Variants in CCDC171 observed in about 807,000 individuals in gnomAD.
CCDC171 encodes the protein coiled-coil domain containing 171.
In CCDC171, 177 loss-of-function variants were observed where a neutral mutation model predicts 168.2. The observed-to-expected ratio is 1.05, with a 90% CI of 0.93 to 1.19. CCDC171 has a LOEUF of 1.19. CCDC171 is among the 50% of genes most tolerant of loss of function. The pLI is 0.00. For missense variants in CCDC171, 1,991 were observed against 1,539.0 expected (o/e 1.29, Z -4.91); for synonymous variants, 687 against 540.8 (o/e 1.27, Z -3.75).
chr9:15,573,298 C>T (rs546529893), intron 3 of CCDC171, among the ~76,000 whole-genome samples: 62 of 151,886 alleles, frequency 4.1e-4, no homozygotes, highest in Admixed American at 5.9e-4. Flanking sequence ...TTTTTTGAGA[C>T]GAAGTCTCGC....
At chr9:15,902,688 G>C (rs1055432506) in intron 24 of CCDC171, among the ~76,000 whole-genome samples, 10 of 152,172 alleles carry the variant, frequency 6.6e-5, no homozygotes, top group Non-Finnish European at 2.9e-5. Flanking sequence ...AGTGGGTGCA[G>C]GACAGTGGGT....
At chr9:16,087,846 G>A in the CCDC171 span, among the ~76,000 whole-genome samples, 1 of 151,958 alleles carries the variant, frequency 6.6e-6, no homozygotes, top group Non-Finnish European at 1.5e-5. Flanking sequence ...AGTGTCAATG[G>A]TCATTATAGT....
At chr9:15,654,477 C>T (rs10810422) in intron 7 of CCDC171, among the ~76,000 whole-genome samples, 68,735 of 151,976 alleles carry the variant, frequency 0.45, 15,837 homozygotes, top group Non-Finnish European at 0.51. Flanking sequence ...AATGATTTGC[C>T]CAGAAAGAAG....
intron 3 of CCDC171, among the ~76,000 whole-genome samples, chr9:16,002,515 GTTA>G (rs772560903): frequency 6.6e-6 from 1 of 152,154 alleles, no homozygotes; most frequent in Non-Finnish European, 1.5e-5. Context: ...GTTTTATGCT[GTTA>G]TTATGAAAGA....
chr9:15,963,030 TACTTC>T (rs1228651618), intron 25 of CCDC171, among the ~76,000 whole-genome samples: 2 of 152,184 alleles, frequency 1.3e-5, no homozygotes, highest in Non-Finnish European at 2.9e-5. Context: ...ATGGTTGTCA[TACTTC>T]ACTTAAGTAG....
intron 21 of CCDC171, among the ~76,000 whole-genome samples, chr9:15,822,255 T>C (rs2059807866): frequency 6.6e-6 from 1 of 152,058 alleles, no homozygotes; most frequent in Non-Finnish European, 1.5e-5. Flanking sequence ...GGCAATACCA[T>C]TCAGGACATA....
intron 11 of CCDC171, among the ~76,000 whole-genome samples, chr9:15,721,183 G>A (rs1176732434): frequency 1.3e-5 from 2 of 152,198 alleles, no homozygotes; most frequent in Admixed American, 6.5e-5. Context: ...GTAGATAATA[G>A]CATTTTTATT....
intron 3 of CCDC171, among the ~76,000 whole-genome samples, chr9:15,981,938 A>G (rs977189984): frequency 1.3e-5 from 2 of 152,196 alleles, no homozygotes; most frequent in African/African-American, 4.8e-5. Context: ...TTTTTCATGA[A>G]CAGTAAAAAG....
intron 1 of CCDC171, among the ~76,000 whole-genome samples, chr9:16,056,749 A>G (rs556626650): frequency 1.3e-5 from 2 of 152,322 alleles, no homozygotes; most frequent in Admixed American, 1.3e-4. Flanking sequence ...TGGTTTCCCA[A>G]AGTGCTCGGA....
At chr9:15,706,240 C>CCTTG (rs1554770008) in intron 11 of CCDC171, among the ~76,000 whole-genome samples, 2 of 148,564 alleles carry the variant, frequency 1.3e-5, no homozygotes, top group African/African-American at 5.1e-5. Context: ...TTCCTTCCTT[C>CCTTG]CTTGCTTCCT....
intron 10 of CCDC171, among the ~76,000 whole-genome samples, chr9:15,694,518 A>C (rs572782723): frequency 6.6e-6 from 1 of 152,320 alleles, no homozygotes; most frequent in South Asian, 2.1e-4. Flanking sequence ...AAAATAGCCA[A>C]AACGAGACCC....
rs147574456 is a variant in CCDC171, at chr9:15,671,959, A to G, written c.1076+5636A>G. Among the ~76,000 whole-genome samples, 485 of 151,672 alleles carry G rather than the reference A, an allele frequency of 3.2e-3. 2 individuals carry two copies. The highest frequency in any genetic ancestry group is 5.6e-3 in the Non-Finnish European group (378 of 67,660). ...TTCCACAATGGTTGAACTAATTTACACTCCCAACAGTGTCAAAGCATTCCT... is the reference window on the plus strand; with the variant it reads ...TTCCACAATGGTTGAACTAATTTACGCTCCCAACAGTGTCAAAGCATTCCT... On this transcript the variant is annotated intron_variant, in intron 9 of 25. Transcript: ENST00000380701.
intron 4 of CCDC171, among the ~76,000 whole-genome samples, chr9:15,581,706 G>T (rs1041079921): frequency 6.6e-6 from 1 of 152,068 alleles, no homozygotes; most frequent in Admixed American, 6.5e-5. Context: ...AATAAATTGT[G>T]TTGGGAAAAC....
intron 21 of CCDC171, among the ~76,000 whole-genome samples, chr9:15,794,450 C>T (rs1012865145): frequency 1.3e-4 from 19 of 151,978 alleles, no homozygotes; most frequent in East Asian, 1.2e-3. Context: ...GGTGACAGAG[C>T]GAGACTCTGT....
rs75330585 is a variant in CCDC171, at chr9:15,876,747, T to A, written c.3600+2084T>A. Among the ~76,000 whole-genome samples the A allele has an allele frequency of 6.9e-3, 1,050 of 152,260 alleles. 8 individuals carry two copies. Among genetic ancestry groups the A allele is most frequent in the African/African-American group, 0.024 (994 of 41,560 alleles). On this transcript the variant is annotated intron_variant, in intron 24 of 25. Transcript: ENST00000380701. ...ATGAAACTCTAATTTCACCTTTTTT[T>A]TTGCAGTATAAAAATATGTGCATTT...
In CCDC171 at chr9:15,952,260, C is replaced by T. The variant is rs79758878; in HGVS notation, c.3754-19349C>T. ...CTCTATATCTGTCTTTATGCCAGTA[C>T]ACACTGTTTTGAATACTGTAGCTTA... On this transcript the variant is annotated intron_variant, in intron 25 of 25. Transcript: ENST00000380701. Among the ~76,000 whole-genome samples, 17 of 152,274 alleles carry T rather than the reference C, an allele frequency of 1.1e-4. No individual in the cohort carries two copies. The East Asian group carries it at 2.9e-3, about 26-fold the overall frequency.
intron 4 of CCDC171, among the ~76,000 whole-genome samples, chr9:15,590,585 A>G (rs2041903264): frequency 6.6e-6 from 1 of 152,174 alleles, no homozygotes; most frequent in Non-Finnish European, 1.5e-5. Context: ...CTGGCAAAGT[A>G]AATAGTTACA....
chr9:15,582,334 A>G (rs2041192717), intron 4 of CCDC171, among the ~76,000 whole-genome samples: 1 of 152,206 alleles, frequency 6.6e-6, no homozygotes, highest in South Asian at 2.1e-4. Context: ...TGTTGGTGGG[A>G]GTGTAAATTA....
intron 22 of CCDC171, among the ~76,000 whole-genome samples, chr9:15,847,741 T>C (rs1295111436): frequency 6.6e-6 from 1 of 152,082 alleles, no homozygotes; most frequent in Non-Finnish European, 1.5e-5. Flanking sequence ...ATGAATATAG[T>C]CTGTAAACTG....
Sources: gnomAD v4.1 joint callset for allele counts (sites outside exome capture counted in the v4.1 genomes callset) on GRCh38, gnomAD v4.1.1 for gene constraint, MANE v1.5 for transcripts, NCBI Gene and HGNC (gene_info 2026-07-23, HGNC 2026-07-21) for gene names.